Variants in BARD1 observed in about 807,000 individuals in gnomAD.
BARD1 encodes BRCA1-associated RING domain protein 1.
A neutral mutation model predicts 77.0 loss-of-function variants in BARD1; 73 were observed. That is an observed-to-expected ratio of 0.95 (90% confidence interval 0.79 to 1.15). The LOEUF (loss-of-function observed/expected upper bound fraction) is 1.15. Ranked by LOEUF, BARD1 falls within the 50% of genes most tolerant of loss-of-function variation. The pLI, the probability that BARD1 is intolerant of heterozygous loss-of-function variation, is 0.00. For missense variants in BARD1, 993 were observed against 938.8 expected (o/e 1.06, Z -0.75); for synonymous variants, 384 against 338.0 (o/e 1.14, Z -1.49).
At chr2:214,755,976 T>C (rs1432515098) in intron 6 of BARD1, among the ~76,000 whole-genome samples, 5 of 152,240 alleles carry the variant, frequency 3.3e-5, no homozygotes, top group African/African-American at 7.2e-5. Flanking sequence ...TGTACCACTT[T>C]CGACAGTCAG....
At chr2:214,751,134 T>A (rs1343198580) in intron 7 of BARD1, among the ~76,000 whole-genome samples, 1 of 42,966 alleles carries the variant, frequency 2.3e-5, no homozygotes, top group Non-Finnish European at 5.9e-5. Context: ...TATATATATA[T>A]ATATATATAT....
intron 9 of BARD1, among the ~76,000 whole-genome samples, chr2:214,738,033 G>T (rs1215620146): frequency 6.6e-6 from 1 of 152,106 alleles, no homozygotes; most frequent in Non-Finnish European, 1.5e-5. Flanking sequence ...TACCTTGCAT[G>T]AGTAAGTTTA....
intron 1 of BARD1, among the ~76,000 whole-genome samples, chr2:214,803,219 G>A (rs1696106728): frequency 6.6e-6 from 1 of 151,774 alleles, no homozygotes; most frequent in South Asian, 2.1e-4. Flanking sequence ...GCCAGGTATT[G>A]TCCAAGGTTT....
chr2:214,778,789 C>A (rs1034327745), intron 4 of BARD1, among the ~76,000 whole-genome samples: 1 of 152,088 alleles, frequency 6.6e-6, no homozygotes, highest in African/African-American at 2.4e-5. Context: ...TAAGAAAGAA[C>A]TTACAAAACT....
At position 214,738,842 on chromosome 2, in the gene BARD1, C is replaced by A. The variant is rs1028830678; in HGVS notation, c.1903+6225G>T. Among the ~76,000 whole-genome samples, 16 of 152,180 alleles carry A rather than the reference C, an allele frequency of 1.1e-4. No homozygotes were observed. The South Asian group carries it at 2.1e-3, about 20-fold the overall frequency. On this transcript the variant is annotated intron_variant, in intron 9 of 10. Coordinates refer to ENST00000260947, the MANE Select transcript of BARD1 (RefSeq NM_000465.4). ...TCAAATCCCAGAGTAGTAAACAGAT[C>A]CACATTTTAAAGAATTTTTAGGCCA...
intron 6 of BARD1, among the ~76,000 whole-genome samples, chr2:214,763,956 C>T (rs925632914): frequency 6.6e-6 from 1 of 152,178 alleles, no homozygotes; most frequent in African/African-American, 2.4e-5. Context: ...ATTGAGACAG[C>T]ATGCACTTAA....
chr2:214,798,199 T>A (rs1695843371), intron 1 of BARD1, among the ~76,000 whole-genome samples: 1 of 151,938 alleles, frequency 6.6e-6, no homozygotes, highest in Admixed American at 6.6e-5. Flanking sequence ...GAAATTGAGA[T>A]TTTCAGAAAG....
In BARD1 at chr2:214,781,430, G is replaced by A. The variant is rs2106112399; in HGVS notation, c.444C>T (p.Ser148=). The change falls in exon 4 of 11, where the codon AGC becomes AGT. Residue 148 remains serine, a synonymous_variant. Transcript: ENST00000260947. ...CATATCTGACTTTCTTACTTCGAGG[G>A]CTAAACCACATTTTAATTGAATTCT... ...NKKNSIKMWF[S]PRSKKVRYVV... 6.2e-7 allele frequency: 1 copy of A among 1,613,246 alleles called. No homozygotes were observed. The highest frequency in any genetic ancestry group is 1.3e-5 in the African/African-American group (1 of 74,962).
chr2:214,742,412 C>A (rs900684023), intron 9 of BARD1, among the ~76,000 whole-genome samples: 1 of 152,104 alleles, frequency 6.6e-6, no homozygotes, highest in Non-Finnish European at 1.5e-5. Flanking sequence ...TAGGAAAGAA[C>A]TATTTGAAGG....
chr2:214,781,576 G>A, intron 3 of BARD1, 67 bp from the exon 4 acceptor site: 1 of 1,359,168 alleles, frequency 7.4e-7, no homozygotes, highest in Non-Finnish European at 1.0e-6. Context: ...AGCTCCCGAA[G>A]AATTTTGTTT....
intron 3 of BARD1, among the ~76,000 whole-genome samples, chr2:214,790,938 G>A (rs561600072): frequency 3.3e-5 from 5 of 152,296 alleles, no homozygotes; most frequent in African/African-American, 1.2e-4. Context: ...TATGTGGGGA[G>A]AGAAAGGTAG....
At chr2:214,730,757 T>G (rs561178343) in intron 9 of BARD1, 4 of 497,806 alleles carry the variant, frequency 8.0e-6, no homozygotes, top group Non-Finnish European at 1.5e-5. Context: ...TACTGAACAC[T>G]AACTGTAATT....
intron 4 of BARD1, among the ~76,000 whole-genome samples, chr2:214,772,298 G>A (rs1452164089): frequency 6.6e-6 from 1 of 152,092 alleles, no homozygotes; most frequent in Non-Finnish European, 1.5e-5. Flanking sequence ...AGGAATATCT[G>A]CCAAGATACA....
intron 9 of BARD1, among the ~76,000 whole-genome samples, chr2:214,733,431 T>C (rs532583208): frequency 3.3e-5 from 5 of 152,212 alleles, no homozygotes; most frequent in African/African-American, 7.2e-5. Context: ...TAAAGTTGTG[T>C]CTGCGTTTAG....
In BARD1 at chr2:214,730,442, G is replaced by A. The variant is rs1559373931; in HGVS notation, c.1970C>T (p.Pro657Leu). The change falls in exon 10 of 11, where the codon CCA (proline) becomes CTA (leucine). Residue 657 changes from proline to leucine, a missense_variant. Pro to Leu is a moderately conservative substitution (Grantham distance 98). Coordinates refer to ENST00000260947, the MANE Select transcript of BARD1 (RefSeq NM_000465.4). ...QEEKYEIPEG[P>L]RRSRLNREQL... ...TTCTCTGTTGAGCCTGCTTCTGCGT[G>A]GACCTTCAGGAATTTCATACTTTTC... 1.2e-6 allele frequency: 2 copies of A among 1,613,724 alleles called. No homozygotes were observed. The highest frequency in any genetic ancestry group is 1.7e-6 in the Non-Finnish European group (2 of 1,179,806).
chr2:214,801,849 C>G (rs113256951), intron 1 of BARD1, among the ~76,000 whole-genome samples: 187 of 113,698 alleles, frequency 1.6e-3, no homozygotes, highest in Middle Eastern at 0.011. Context: ...AAATATTTGG[C>G]GGGGGGGGGG....
intron 7 of BARD1, among the ~76,000 whole-genome samples, chr2:214,751,085 G>C (rs527511025): frequency 0.011 from 150 of 13,302 alleles, 2 homozygotes; most frequent in African/African-American, 0.039. Context: ...AATTCTGTGT[G>C]TGTGTGTGTG....
intron 4 of BARD1, among the ~76,000 whole-genome samples, chr2:214,774,591 C>T (rs1481086158): frequency 6.6e-6 from 1 of 152,156 alleles, no homozygotes; most frequent in Non-Finnish European, 1.5e-5. Flanking sequence ...GTGCTCCCAC[C>T]CAGGCTTTGT....
At chr2:214,777,151 A>G (rs896392201) in intron 4 of BARD1, among the ~76,000 whole-genome samples, 1 of 152,200 alleles carries the variant, frequency 6.6e-6, no homozygotes, top group Non-Finnish European at 1.5e-5. Flanking sequence ...CAGAACTGTA[A>G]GAAAATTAAT....
Sources: gnomAD v4.1 joint callset for allele counts (sites outside exome capture counted in the v4.1 genomes callset) on GRCh38, gnomAD v4.1.1 for gene constraint, MANE v1.5 for transcripts, NCBI Gene and HGNC (gene_info 2026-07-23, HGNC 2026-07-21) for gene names.